POLR1B: variants seen among roughly 807,000 people sequenced by gnomAD.
POLR1B encodes RNA polymerase I subunit B.
In POLR1B, 30 loss-of-function variants were observed where a neutral mutation model predicts 105.8. That is an observed-to-expected ratio of 0.28 (90% CI 0.21 to 0.38). The LOEUF (loss-of-function observed/expected upper bound fraction) is 0.38, where lower values mean the gene tolerates loss of function less well. Among genes scored for constraint, POLR1B ranks in the 10% least tolerant of loss-of-function variants. The pLI is 1.00. For missense variants in POLR1B, 976 were observed against 1,435.8 expected, an observed-to-expected ratio of 0.68 and a Z score of 5.17; for synonymous variants, 485 against 505.1, an observed-to-expected ratio of 0.96 and a Z score of 0.53.
intron 3 of POLR1B, among the ~76,000 whole-genome samples, chr2:112,547,988 C>G (rs34137042): frequency 0.094 from 14,327 of 152,028 alleles, 848 homozygotes; most frequent in South Asian, 0.17. Flanking sequence ...GGAGGCCTCA[C>G]TACAGTGAGC....
chr2:112,553,445 T>G (rs1335681038), intron 7 of POLR1B: 2 of 152,250 alleles, frequency 1.3e-5, no homozygotes, highest in African/African-American at 2.4e-5. Flanking sequence ...CCTGAGCAGC[T>G]GGGACTATAG....
chr2:112,573,482 C>A, intron 13 of POLR1B, 80 bp from the exon 14 acceptor site: 1 of 1,487,678 alleles, frequency 6.7e-7, no homozygotes, highest in Non-Finnish European at 9.1e-7. Flanking sequence ...TATCCTAAAC[C>A]AAGTATGATA....
rs1436014744 is a variant in POLR1B, at chr2:112,573,587, G to A, written c.2297G>A (p.Arg766Gln). Residue 766 changes from arginine (R) to glutamine (Q), a missense_variant, in exon 14 of 15, where the codon CGA (arginine) becomes CAA (glutamine). Arg to Gln is a conservative substitution (Grantham distance 43, BLOSUM62 1). This residue lies in a region of POLR1B where 119 missense variants were observed against 149.7 expected (regional missense o/e 0.79). Transcript: ENST00000263331. ...ATTGTGAATAAGGCCTCTTGGGAACGAGGCTTTGCCCATGGAAGTGTCTAC... is the reference window on the plus strand; with the variant it reads ...ATTGTGAATAAGGCCTCTTGGGAACAAGGCTTTGCCCATGGAAGTGTCTAC... ...AMIVNKASWE[R>Q]GFAHGSVYKS... 2 of 1,613,790 alleles carry A rather than the reference G, an allele frequency of 1.2e-6. No homozygotes were observed. Among genetic ancestry groups the A allele is most frequent in the Non-Finnish European group, 1.7e-6 (2 of 1,179,908 alleles).
chr2:112,547,158 T>G lies in POLR1B; in HGVS notation c.324T>G (p.Ser108Arg). 2 of 1,613,974 alleles carry G rather than the reference T, an allele frequency of 1.2e-6. No homozygotes were observed. The highest frequency in any genetic ancestry group is 2.2e-5 in the South Asian group (2 of 91,066). The change falls in exon 2 of 15, where the codon AGT becomes AGG. Residue 108 changes from serine (S) to arginine (R), a missense_variant. Transcript: ENST00000263331. ...CAGCAGAATGCCGGGGCCGAAGGAG[T>G]ACCTACCGTGGGAAGTTGACAGTGA... ...VYPAECRGRR[S>R]TYRGKLTADI...
intron 9 of POLR1B, among the ~76,000 whole-genome samples, chr2:112,561,293 T>C (rs902314087): frequency 1.3e-5 from 2 of 151,862 alleles, no homozygotes; most frequent in African/African-American, 4.8e-5. Flanking sequence ...GAAAAAGAGA[T>C]GGGGAAGGGT....
At chr2:112,547,966 C>G (rs181286032) in intron 3 of POLR1B, among the ~76,000 whole-genome samples, 199 of 152,080 alleles carry the variant, frequency 1.3e-3, no homozygotes, top group African/African-American at 4.6e-3. Context: ...GCGGGAGCAT[C>G]AGTTGAGCCC....
At chr2:112,553,185 T>G (rs1487001606) in intron 7 of POLR1B, among the ~76,000 whole-genome samples, 2 of 152,222 alleles carry the variant, frequency 1.3e-5, no homozygotes, top group African/African-American at 4.8e-5. Context: ...GCTTTCATGA[T>G]TATTCACATA....
chr2:112,550,738 C>A, intron 4 of POLR1B, 128 bp from the exon 5 acceptor site: 1 of 901,748 alleles, frequency 1.1e-6, no homozygotes, highest in Non-Finnish European at 1.7e-6. Flanking sequence ...TTTTGATTGC[C>A]AGTCTTGGCT....
At chr2:112,545,164 T>G (rs1408762663) in intron 1 of POLR1B, among the ~76,000 whole-genome samples, 1 of 152,206 alleles carries the variant, frequency 6.6e-6, no homozygotes, top group East Asian at 1.9e-4. Context: ...CTGTATAAAG[T>G]TCCTAAGCAC....
chr2:112,578,939 G>A lies in POLR1B; in HGVS notation c.*3210G>A, dbSNP rs1426845977. 6.6e-6 allele frequency among the ~76,000 whole-genome samples: 1 copy of A among 152,134 alleles called. No individual in the cohort carries two copies. Among genetic ancestry groups the A allele is most frequent in the Non-Finnish European group, 1.5e-5 (1 of 68,014 alleles). Reference sequence around the variant, plus strand: ...TAAAGCAAAACTGGCTGGGTGCGGTGGTGCACACCTGTAATCCCAGGACTT... The same window carrying A: ...TAAAGCAAAACTGGCTGGGTGCGGTAGTGCACACCTGTAATCCCAGGACTT... On this transcript the variant is annotated 3_prime_UTR_variant, in exon 15 of 15. Transcript: ENST00000263331.
Position 112,551,943 on chromosome 2 carries a change from A to T in POLR1B, c.931A>T (p.Lys311Ter). The change falls in exon 6 of 15, where the codon AAA becomes TAA. Residue 311 changes from lysine (K) to a stop codon, truncating the protein, a stop_gained. Coordinates refer to ENST00000263331, the MANE Select transcript of POLR1B (RefSeq NM_019014.6). LOFTEE classifies it high-confidence loss of function. ...LNYLGECFRVKLNVPDWYPNE... is the reference protein window; with the variant it reads ...LNYLGECFRV ...CTACCTAGGTGAATGCTTCAGAGTA[A>T]AACTCAATGTTCCTGACTGGTACCC... 6.2e-7 allele frequency: 1 copy of T among 1,614,210 alleles called. No individual in the cohort carries two copies. The highest frequency in any genetic ancestry group is 8.5e-7 in the Non-Finnish European group (1 of 1,180,044).
intron 8 of POLR1B, among the ~76,000 whole-genome samples, chr2:112,558,513 G>A (rs1463180498): frequency 6.6e-6 from 1 of 152,110 alleles, no homozygotes. Flanking sequence ...GCAGTGAGCT[G>A]TGATTGCACC....
At chr2:112,546,458 C>T (rs1391160725) in intron 1 of POLR1B, among the ~76,000 whole-genome samples, 1 of 149,054 alleles carries the variant, frequency 6.7e-6, no homozygotes, top group Admixed American at 6.7e-5. Context: ...CAGTCTCTGA[C>T]ACATGTGGTC....
intron 9 of POLR1B, among the ~76,000 whole-genome samples, chr2:112,559,921 C>T (rs374429309): frequency 6.6e-5 from 10 of 152,224 alleles, no homozygotes; most frequent in African/African-American, 2.2e-4. Flanking sequence ...TGAGCCACCG[C>T]GCCCGGCCAA....
At chr2:112,544,701 A>AT (rs1682942188) in intron 1 of POLR1B, among the ~76,000 whole-genome samples, 1 of 152,176 alleles carries the variant, frequency 6.6e-6, no homozygotes, top group Non-Finnish European at 1.5e-5. Context: ...GTATTTGAAA[A>AT]AGTTCTGTAA....
At chr2:112,544,183 C>G (rs546864656) in intron 1 of POLR1B, among the ~76,000 whole-genome samples, 2 of 151,876 alleles carry the variant, frequency 1.3e-5, no homozygotes, top group Admixed American at 1.3e-4. Context: ...GTAATCCCTG[C>G]ACTTTGGGAG....
At chr2:112,561,441 T>A (rs1683978492) in intron 9 of POLR1B, among the ~76,000 whole-genome samples, 1 of 147,404 alleles carries the variant, frequency 6.8e-6, no homozygotes, top group Non-Finnish European at 1.5e-5. Context: ...TCAGAATGTA[T>A]TTATGGTTCA....
chr2:112,562,848 T>G (rs546930988), intron 9 of POLR1B, among the ~76,000 whole-genome samples: 2 of 146,674 alleles, frequency 1.4e-5, no homozygotes, highest in South Asian at 4.4e-4. Flanking sequence ...GCCTCAGCCT[T>G]GCGAGTAGCC....
At chr2:112,545,827 G>A (rs1322574061) in intron 1 of POLR1B, 5 of 369,960 alleles carry the variant, frequency 1.4e-5, no homozygotes, top group Non-Finnish European at 2.1e-5. Flanking sequence ...TTTATTTTTT[G>A]TAGAGACGGG....
Sources: allele counts gnomAD v4.1 joint callset (sites outside exome capture counted in the v4.1 genomes callset), GRCh38; gene constraint gnomAD v4.1.1; regional missense constraint gnomAD v4.1.1; transcripts MANE v1.5; gene names NCBI Gene and HGNC (gene_info 2026-07-23, HGNC 2026-07-21).